PRDM10: variants seen among roughly 807,000 people sequenced by gnomAD.
PRDM10 encodes PR domain zinc finger protein 10.
A neutral mutation model predicts 133.1 loss-of-function variants in PRDM10; 65 were observed. That is an observed-to-expected ratio of 0.49 (90% confidence interval 0.40 to 0.60). The LOEUF is 0.60. Ranked by LOEUF, PRDM10 falls within the 20% of genes least tolerant of loss-of-function variation. PRDM10 has a pLI of 0.00. For synonymous variants in PRDM10, 582 were observed against 580.4 expected, an observed-to-expected ratio of 1.00 and a Z score of -0.04; for missense variants, 1,137 against 1,507.1, an observed-to-expected ratio of 0.75 and a Z score of 4.07.
At chr11:129,907,788 G>C (rs1014418501) in intron 19 of PRDM10, among the ~76,000 whole-genome samples, 1 of 151,908 alleles carries the variant, frequency 6.6e-6, no homozygotes, top group African/African-American at 2.4e-5. Context: ...TATATTTGTG[G>C]GTATTAAAGA....
At chr11:129,951,322 A>G (rs1258771460) in intron 4 of PRDM10, among the ~76,000 whole-genome samples, 2 of 152,158 alleles carry the variant, frequency 1.3e-5, no homozygotes, top group East Asian at 1.9e-4. Context: ...CGATGGCCCT[A>G]TGGAATTCAG....
At chr11:129,960,865 C>A in intron 2 of PRDM10, 31 bp downstream of exon 2, 1 of 1,612,868 alleles carries the variant, frequency 6.2e-7, no homozygotes, top group Non-Finnish European at 8.5e-7. Context: ...GAAAACCTCT[C>A]AATACCAAGC....
chr11:129,944,501 C>T (rs1242089952), intron 6 of PRDM10, among the ~76,000 whole-genome samples: 2 of 149,626 alleles, frequency 1.3e-5, no homozygotes, highest in African/African-American at 2.5e-5. Flanking sequence ...AGGAGAATGG[C>T]GTGAACCCGG....
intron 4 of PRDM10, among the ~76,000 whole-genome samples, chr11:129,954,265 T>A (rs893578784): frequency 3.3e-5 from 3 of 90,674 alleles, no homozygotes; most frequent in Non-Finnish European, 5.4e-5. Context: ...TTAATTTATT[T>A]ATTTTTTTTT....
chr11:129,912,174 G>C lies in PRDM10; in HGVS notation c.2893C>G (p.His965Asp). Residue 965 changes from histidine to aspartate, a missense_variant, in exon 18 of 21, where the codon CAT becomes GAT. Coordinates refer to ENST00000360871, the MANE Select transcript of PRDM10 (RefSeq NM_199437.2). ...QQSTVDVGQL[H>D]DPQPYPQHAI... is the part of the protein sequence containing the mutation. ...TGCTGGGGGTAGGGCTGAGGATCAT[G>C]GAGCTGGCCAACATCCACAGTGGAC... is the stretch of plus-strand genomic sequence containing the variant. 6.2e-7 allele frequency: 1 copy of C among 1,611,812 alleles called. No individual in the cohort carries two copies. The highest frequency in any genetic ancestry group is 8.5e-7 in the Non-Finnish European group (1 of 1,178,704).
intron 1 of PRDM10, among the ~76,000 whole-genome samples, chr11:129,989,229 C>T (rs1323727541): frequency 6.6e-6 from 1 of 151,998 alleles, no homozygotes; most frequent in Non-Finnish European, 1.5e-5. Flanking sequence ...GGCTTTAAGC[C>T]CAGGAGTTCG....
chr11:129,980,536 A>G (rs1006030684), intron 1 of PRDM10, among the ~76,000 whole-genome samples: 5 of 152,300 alleles, frequency 3.3e-5, no homozygotes, highest in East Asian at 3.9e-4. Flanking sequence ...CCCCTTGTCC[A>G]TGGAAAAATT....
rs74329694 is a variant in PRDM10 at position 129,935,981 on chromosome 11, C to T, written c.1040-763G>A. ...GACAGGCCATGCAGGAAAGCTCAAC[C>T]TTGTAATTAGAAATGTGGGGCTTTG... On this transcript the variant is annotated intron_variant, in intron 8 of 20. Coordinates refer to ENST00000360871, the MANE Select transcript of PRDM10 (RefSeq NM_199437.2). 7.3e-3 allele frequency among the ~76,000 whole-genome samples: 1,110 copies of T among 152,306 alleles called. 16 individuals are homozygous for T. Among genetic ancestry groups the T allele is most frequent in the African/African-American group, 0.025 (1,052 of 41,568 alleles).
chr11:129,952,997 GAGTCTCACTCTTATCGCCCA>G (rs1225049734), intron 4 of PRDM10, among the ~76,000 whole-genome samples: 1 of 150,288 alleles, frequency 6.7e-6, no homozygotes, highest in African/African-American at 2.4e-5. Context: ...TTTTGAGACA[GAGTCTCACTCTTATCGCCCA>G]AGCTGGAGTG....
chr11:129,933,605 A>T (rs1950936791), intron 9 of PRDM10, among the ~76,000 whole-genome samples: 1 of 152,192 alleles, frequency 6.6e-6, no homozygotes, highest in South Asian at 2.1e-4. Flanking sequence ...TAACAAACAT[A>T]TTACCTACTG....
At chr11:129,959,374 A>G (rs1333435601) in intron 2 of PRDM10, among the ~76,000 whole-genome samples, 1 of 152,240 alleles carries the variant, frequency 6.6e-6, no homozygotes, top group Non-Finnish European at 1.5e-5. Context: ...CGATTTGTTC[A>G]TTAACATCAA....
At chr11:129,905,162 G>C (rs1949973028) in intron 20 of PRDM10, among the ~76,000 whole-genome samples, 1 of 152,096 alleles carries the variant, frequency 6.6e-6, no homozygotes, top group South Asian at 2.1e-4. Flanking sequence ...AGGAGATCAA[G>C]ATCATACTGG....
At chr11:129,965,497 T>G (rs1448541248) in intron 1 of PRDM10, among the ~76,000 whole-genome samples, 1 of 152,146 alleles carries the variant, frequency 6.6e-6, no homozygotes, top group African/African-American at 2.4e-5. Flanking sequence ...ACCCCTCATC[T>G]TCTTGCGTCT....
intron 10 of PRDM10, 137 bp downstream of exon 10, chr11:129,931,965 C>T (rs1210180666): frequency 3.4e-6 from 4 of 1,160,852 alleles, no homozygotes; most frequent in Non-Finnish European, 4.8e-6. Context: ...TCCAATCATT[C>T]TTTAATTAAC....
chr11:130,001,655 A>G (rs1226151482), intron 1 of PRDM10, among the ~76,000 whole-genome samples: 1 of 152,224 alleles, frequency 6.6e-6, no homozygotes, highest in East Asian at 1.9e-4. Flanking sequence ...CAAATTCAAC[A>G]GCGCTGCGTT....
At chr11:129,971,311 C>T (rs1014034210) in intron 1 of PRDM10, among the ~76,000 whole-genome samples, 2 of 152,182 alleles carry the variant, frequency 1.3e-5, no homozygotes, top group Non-Finnish European at 2.9e-5. Context: ...TGGCCCCACA[C>T]GCATCCTGCT....
At chr11:129,993,489 CTA>C (rs889796052) in intron 1 of PRDM10, among the ~76,000 whole-genome samples, 2 of 151,912 alleles carry the variant, frequency 1.3e-5, no homozygotes, top group African/African-American at 4.8e-5. Flanking sequence ...CAATATTACA[CTA>C]TCTTTTTTTT....
rs982747239 is a variant in PRDM10, at chr11:129,900,788, A to G, written c.*1525T>C. On this transcript the variant is annotated 3_prime_UTR_variant, in exon 21 of 21. Transcript: ENST00000360871. ...ATATGTTTATGAAGTAATTTTCTCAAGTTCTCTTAGTACTCAAACATTGGG... is the reference window on the plus strand; with the variant it reads ...ATATGTTTATGAAGTAATTTTCTCAGGTTCTCTTAGTACTCAAACATTGGG... 5.9e-5 allele frequency: 9 copies of G among 152,348 alleles called. No homozygotes were observed. Among genetic ancestry groups the G allele is most frequent in the African/African-American group, 2.2e-4 (9 of 41,448 alleles). The allele number at this position is 152,348 out of a possible 1,614,324, so 9.4% of individuals were successfully genotyped here. A position where few individuals can be genotyped will look rare whatever the true frequency, so the allele number is the denominator to read the frequency against.
At chr11:129,950,079 T>C (rs1951543964) in intron 4 of PRDM10, among the ~76,000 whole-genome samples, 1 of 150,816 alleles carries the variant, frequency 6.6e-6, no homozygotes, top group South Asian at 2.1e-4. Flanking sequence ...CTACAAAAAA[T>C]ACAAAATTTA....
Sources: gnomAD v4.1 joint callset for allele counts (sites outside exome capture counted in the v4.1 genomes callset) on GRCh38, gnomAD v4.1.1 for gene constraint, MANE v1.5 for transcripts, NCBI Gene and HGNC (gene_info 2026-07-23, HGNC 2026-07-21) for gene names.